Variants in GALNT13 observed in about 807,000 individuals in gnomAD.
GALNT13 encodes polypeptide N-acetylgalactosaminyltransferase 13.
Under a neutral mutation model 64.2 loss-of-function variants are expected in GALNT13, and 28 were observed. The ratio of observed to expected loss-of-function variants is 0.44; its 90% CI spans 0.32 to 0.60. GALNT13 has a LOEUF of 0.60. Ranked by LOEUF, GALNT13 falls within the 20% of genes least tolerant of loss-of-function variation. GALNT13 has a pLI of 0.05. For synonymous variants in GALNT13, 214 were observed against 224.6 expected, an observed-to-expected ratio of 0.95 and a Z score of 0.42; for missense variants, 577 against 669.8, an observed-to-expected ratio of 0.86 and a Z score of 1.53.
the GALNT13 span, among the ~76,000 whole-genome samples, chr2:153,804,786 G>A: frequency 3.3e-5 from 5 of 152,018 alleles, no homozygotes. Flanking sequence ...AAAATAAAGA[G>A]CAGAATCATG....
At chr2:154,157,300 G>A (rs564743018) in intron 4 of GALNT13, among the ~76,000 whole-genome samples, 4 of 152,218 alleles carry the variant, frequency 2.6e-5, no homozygotes, top group African/African-American at 9.6e-5. Context: ...CATGTTTCCA[G>A]TTACAACCAG....
At chr2:153,634,304 C>G in the GALNT13 span, among the ~76,000 whole-genome samples, 3 of 152,038 alleles carry the variant, frequency 2.0e-5, no homozygotes, top group Non-Finnish European at 4.4e-5. Context: ...CAGAAGAGCA[C>G]TTTTGTTGAA....
chr2:154,104,561 C>T (rs1553478321), intron 3 of GALNT13, among the ~76,000 whole-genome samples: 1 of 152,168 alleles, frequency 6.6e-6, no homozygotes, highest in Non-Finnish European at 1.5e-5. Flanking sequence ...CCAGTGCTGC[C>T]TATCCTCTGG....
At chr2:153,684,780 T>C in the GALNT13 span, among the ~76,000 whole-genome samples, 1 of 151,782 alleles carries the variant, frequency 6.6e-6, no homozygotes, top group Non-Finnish European at 1.5e-5. Flanking sequence ...CATTAGTTAT[T>C]TTTCCTGATC....
the GALNT13 span, among the ~76,000 whole-genome samples, chr2:153,683,082 A>C: frequency 6.6e-6 from 1 of 151,800 alleles, no homozygotes; most frequent in South Asian, 2.1e-4. Context: ...ATGCGGCTCC[A>C]TTGACTAAGA....
At chr2:153,264,892 T>C in the GALNT13 span, among the ~76,000 whole-genome samples, 1 of 152,188 alleles carries the variant, frequency 6.6e-6, no homozygotes, top group African/African-American at 2.4e-5. Flanking sequence ...CCATGGCACA[T>C]GTTTACCTAT....
At chr2:154,216,062 C>T (rs544243423) in intron 4 of GALNT13, among the ~76,000 whole-genome samples, 1 of 152,146 alleles carries the variant, frequency 6.6e-6, no homozygotes, top group East Asian at 1.9e-4. Context: ...CATTTGTTAA[C>T]TTACATTACA....
chr2:153,986,961 G>T (rs1694841060), intron 3 of GALNT13, among the ~76,000 whole-genome samples: 1 of 151,892 alleles, frequency 6.6e-6, no homozygotes, highest in South Asian at 2.1e-4. Context: ...TTTCCTTCTG[G>T]ATGTTGTTTG....
chr2:153,785,104 G>C, the GALNT13 span, among the ~76,000 whole-genome samples: 1 of 152,096 alleles, frequency 6.6e-6, no homozygotes, highest in Non-Finnish European at 1.5e-5. Context: ...CTCCCAGAGA[G>C]AGTGGCCAAG....
At chr2:154,306,618 T>G (rs867520986) in intron 9 of GALNT13, among the ~76,000 whole-genome samples, 1,662 of 124,978 alleles carry the variant, frequency 0.013, no homozygotes, top group Non-Finnish European at 0.018. Flanking sequence ...GATAATTTGG[T>G]GGGGGGGGGG....
At chr2:153,736,524 C>CT in the GALNT13 span, among the ~76,000 whole-genome samples, 1 of 152,164 alleles carries the variant, frequency 6.6e-6, no homozygotes, top group East Asian at 1.9e-4. Flanking sequence ...ATTGCAGTTC[C>CT]TTGTGCCCTG....
At chr2:153,595,698 A>G in the GALNT13 span, among the ~76,000 whole-genome samples, 1 of 152,074 alleles carries the variant, frequency 6.6e-6, no homozygotes, top group East Asian at 1.9e-4. Context: ...TCTATCCCTT[A>G]TTTTTAAAAA....
intron 3 of GALNT13, among the ~76,000 whole-genome samples, chr2:154,005,385 A>G (rs193286595): frequency 4.7e-4 from 71 of 152,258 alleles, no homozygotes; most frequent in Admixed American, 2.5e-3. Context: ...GGCATCCTGG[A>G]AACCTGTGCC....
chr2:154,039,258 GATATTTATCCAAAT>G (rs1698844507), intron 3 of GALNT13, among the ~76,000 whole-genome samples: 1 of 143,514 alleles, frequency 7.0e-6, no homozygotes, highest in Admixed American at 6.9e-5. Context: ...CCCACTAATG[GATATTTATCCAAAT>G]GAAAATAAAT....
At chr2:154,173,342 TA>T (rs1413657319) in intron 4 of GALNT13, among the ~76,000 whole-genome samples, 2 of 151,604 alleles carry the variant, frequency 1.3e-5, no homozygotes, top group Non-Finnish European at 2.9e-5. Flanking sequence ...TTTGATTTTT[TA>T]ATTAAATTTA....
chr2:154,265,310 A>G (rs902519982), intron 8 of GALNT13, among the ~76,000 whole-genome samples: 2 of 152,094 alleles, frequency 1.3e-5, no homozygotes, highest in African/African-American at 4.8e-5. Context: ...CTAAAAATTT[A>G]TAATTTTTAA....
the GALNT13 span, among the ~76,000 whole-genome samples, chr2:153,770,248 A>C: frequency 0.35 from 50,222 of 144,626 alleles, 8,780 homozygotes; most frequent in Admixed American, 0.36. Flanking sequence ...ATTTGGATGA[A>C]ATTTCCCACC....
At chr2:153,717,518 A>G in the GALNT13 span, among the ~76,000 whole-genome samples, 2 of 152,338 alleles carry the variant, frequency 1.3e-5, no homozygotes, top group South Asian at 2.1e-4. Flanking sequence ...AAAACCTTGT[A>G]CATGGTATTA....
chr2:153,351,064 A>G, the GALNT13 span, among the ~76,000 whole-genome samples: 2 of 152,184 alleles, frequency 1.3e-5, no homozygotes, highest in Non-Finnish European at 2.9e-5. Flanking sequence ...AAAATTTCCC[A>G]GAAAAACTAA....
Sources: allele counts gnomAD v4.1 joint callset (sites outside exome capture counted in the v4.1 genomes callset), GRCh38; gene constraint gnomAD v4.1.1; transcripts MANE v1.5; gene names NCBI Gene and HGNC (gene_info 2026-07-23, HGNC 2026-07-21).